The following GARIN5B variants were observed in gnomAD, a reference collection of about 807,000 sequenced individuals.
GARIN5B encodes the protein golgi associated RAB2 interactor family member 5B, also known as Golgi-associated RAB2 interactor protein 5B.
chr19:55,358,948 C>G, the GARIN5B span: 2 of 1,551,066 alleles, frequency 1.3e-6, no homozygotes, highest in Non-Finnish European at 1.7e-6. Context: ...CCTCCAACTT[C>G]CCCTGGCCCC....
At chr19:55,355,081 C>G in the GARIN5B span, 1 of 385,966 alleles carries the variant, frequency 2.6e-6, no homozygotes, top group South Asian at 2.3e-5. Flanking sequence ...TCGGTGCGCA[C>G]AGAACCCTCG....
At chr19:55,362,959 C>T in the GARIN5B span, 10 of 1,501,428 alleles carry the variant, frequency 6.7e-6, no homozygotes, top group Non-Finnish European at 8.9e-6. Context: ...GACGGAGGGG[C>T]AGGTACTCGC....
the GARIN5B span, among the ~76,000 whole-genome samples, chr19:55,356,214 A>AAAAAG: frequency 2.0e-5 from 3 of 151,920 alleles, no homozygotes; most frequent in African/African-American, 4.8e-5. Context: ...TCTAAAAAAA[A>AAAAAG]AAAAGAAAAG....
At chr19:55,359,539 TG>T in the GARIN5B span, 1 of 1,551,368 alleles carries the variant, frequency 6.4e-7, no homozygotes, top group Non-Finnish European at 8.7e-7. Flanking sequence ...CTGACGCAGC[TG>T]GGGCCTTCTG....
At chr19:55,356,559 G>A in the GARIN5B span, among the ~76,000 whole-genome samples, 1 of 151,934 alleles carries the variant, frequency 6.6e-6, no homozygotes, top group Non-Finnish European at 1.5e-5. Context: ...ACCCTCCTCG[G>A]CCTCCCAAAG....
the GARIN5B span, chr19:55,358,156 G>T: frequency 1.6e-5 from 24 of 1,494,750 alleles, no homozygotes; most frequent in African/African-American, 4.2e-5. Context: ...TGGGCAGAAG[G>T]TTCAAGACGC....
At chr19:55,360,744 G>A in the GARIN5B span, 4 of 1,551,766 alleles carry the variant, frequency 2.6e-6, no homozygotes, top group Non-Finnish European at 2.6e-6. Context: ...TGCTGAAGAT[G>A]GTCCAGGTGG....
the GARIN5B span, chr19:55,362,835 G>A: frequency 1.5e-5 from 22 of 1,471,066 alleles, no homozygotes; most frequent in African/African-American, 2.8e-5. Context: ...GCTAAATCCC[G>A]TTCCCTCTCA....
At chr19:55,362,162 G>A in the GARIN5B span, 2 of 1,432,992 alleles carry the variant, frequency 1.4e-6, no homozygotes, top group East Asian at 2.5e-5. Context: ...TAGACTTTGG[G>A]CTCTTGGTCG....
chr19:55,358,853 C>T, the GARIN5B span: 1 of 1,547,356 alleles, frequency 6.5e-7, no homozygotes, highest in Non-Finnish European at 8.7e-7. Flanking sequence ...GGCCTTGACC[C>T]ATCTCTTCCG....
At chr19:55,357,086 C>A in the GARIN5B span, among the ~76,000 whole-genome samples, 2 of 152,062 alleles carry the variant, frequency 1.3e-5, no homozygotes, top group Non-Finnish European at 2.9e-5. Context: ...GGGGAGAGGA[C>A]CTCCAACCCA....
At chr19:55,359,400 G>A in the GARIN5B span, 13 of 1,549,870 alleles carry the variant, frequency 8.4e-6, no homozygotes, top group East Asian at 2.4e-5. Context: ...GAGGCCTTTC[G>A]GGGAGAAGCT....
the GARIN5B span, chr19:55,360,022 T>G: frequency 1.3e-6 from 2 of 1,498,840 alleles, no homozygotes; most frequent in South Asian, 1.3e-5. Context: ...TCAGGATGCA[T>G]GGAGACCCCA....
chr19:55,358,125 T>C, the GARIN5B span: 4 of 1,439,314 alleles, frequency 2.8e-6, no homozygotes, highest in Non-Finnish European at 2.7e-6. Context: ...CAGTAAATAA[T>C]AGCTGCTAAC....
chr19:55,362,179 C>T, the GARIN5B span: 2 of 1,449,530 alleles, frequency 1.4e-6, no homozygotes, highest in South Asian at 1.5e-5. Flanking sequence ...GTCGCAGTCC[C>T]CTCTGGATCT....
the GARIN5B span, chr19:55,363,065 A>G: frequency 6.7e-7 from 1 of 1,496,466 alleles, no homozygotes; most frequent in East Asian, 2.6e-5. The surrounding 1 kb of genome is among the most constrained non-coding windows in gnomAD (Gnocchi z 4.0). Context: ...AAGCCAGATC[A>G]TGGTGGCTGT....
the GARIN5B span, among the ~76,000 whole-genome samples, chr19:55,360,256 TCA>T: frequency 1.6e-5 from 1 of 61,788 alleles, no homozygotes; most frequent in Non-Finnish European, 2.9e-5. Context: ...TCCCTCAGAC[TCA>T]GGAGTCCAGG....
chr19:55,355,287 T>C, the GARIN5B span: 4 of 1,545,632 alleles, frequency 2.6e-6, no homozygotes, highest in East Asian at 4.9e-5. Flanking sequence ...CTCTGGACAG[T>C]TTCCAACTGA....
the GARIN5B span, chr19:55,362,649 C>A: frequency 6.5e-7 from 1 of 1,547,288 alleles, no homozygotes; most frequent in Non-Finnish European, 8.7e-7. Context: ...CAGGCAACAC[C>A]AGGCCTGGCA....
Sources: allele counts gnomAD v4.1 joint callset (sites outside exome capture counted in the v4.1 genomes callset), GRCh38; gene constraint gnomAD v4.1.1; non-coding constraint Gnocchi (gnomAD v3.1); transcripts MANE v1.5; gene names NCBI Gene and HGNC (gene_info 2026-07-23, HGNC 2026-07-21).